The following BRIP1 variants were observed in gnomAD, a reference collection of about 807,000 sequenced individuals.
The protein encoded by BRIP1 is BRCA1 interacting DNA helicase 1, also known as Fanconi anemia group J protein.
In BRIP1, 88 loss-of-function variants were observed where a neutral mutation model predicts 119.7. That is an observed-to-expected ratio of 0.74 (90% confidence interval 0.62 to 0.88). BRIP1 has a LOEUF of 0.88. Ranked by LOEUF, BRIP1 falls within the 40% of genes least tolerant of loss-of-function variation. The pLI is 0.00. For synonymous variants in BRIP1, 443 were observed against 496.5 expected, an observed-to-expected ratio of 0.89 and a Z score of 1.43; for missense variants, 1,259 against 1,455.4, an observed-to-expected ratio of 0.87 and a Z score of 2.20.
Position 61,759,151 on chromosome 17 carries a change from G to A in BRIP1, c.2098-14560C>T, listed in dbSNP as rs2077240332. 6.6e-6 allele frequency among the ~76,000 whole-genome samples: 1 copy of A among 152,004 alleles called. No homozygotes were observed. Among genetic ancestry groups the A allele is most frequent in the African/African-American group, 2.4e-5 (1 of 41,412 alleles). ...TCCCAGAGCAATTTAGAAAGAGTAA[G>A]AAAAGAAGATCCAACTATATGCTGC... is the stretch of plus-strand genomic sequence containing the variant. On this transcript the variant is annotated intron_variant, in intron 14 of 19. Transcript: ENST00000259008. This position sits in a 1 kb window ranked among gnomAD's most constrained non-coding sequence, Gnocchi z 4.9.
chr17:61,732,638 A>T (rs1567770505), intron 16 of BRIP1, among the ~76,000 whole-genome samples: 1 of 150,868 alleles, frequency 6.6e-6, no homozygotes, highest in Non-Finnish European at 1.5e-5. Context: ...TTAAGCTCTT[A>T]AAAAAAGTTT....
In BRIP1 at chr17:61,842,837, G is replaced by A. The variant is rs1276635576; in HGVS notation, c.627+4264C>T. On this transcript the variant is annotated intron_variant, in intron 6 of 19. Transcript: ENST00000259008. This position sits in a 1 kb window ranked among gnomAD's most constrained non-coding sequence, Gnocchi z 5.1. ...TCCTCCTAACGGCCCCGTGAGATAG[G>A]TACTATTACTAACCCCATTTAACAA... Among the ~76,000 whole-genome samples, 1 of 152,122 alleles carries A rather than the reference G, an allele frequency of 6.6e-6. No individual in the cohort carries two copies. The highest frequency in any genetic ancestry group is 1.5e-5 in the Non-Finnish European group (1 of 68,022).
chr17:61,693,657 A>AGT lies in BRIP1; in HGVS notation c.2493-146_2493-145insAC. 1 of 691,684 alleles carries AGT rather than the reference A, an allele frequency of 1.4e-6. No homozygotes were observed. The highest frequency in any genetic ancestry group is 2.5e-6 in the Non-Finnish European group (1 of 402,982). 42.8% of individuals were successfully genotyped at this position (691,684 alleles called of 1,614,324 possible). On this transcript the variant is annotated intron_variant, in intron 17 of 19. Coordinates refer to ENST00000259008, the MANE Select transcript of BRIP1 (RefSeq NM_032043.3). This position sits in a 1 kb window ranked among gnomAD's most constrained non-coding sequence, Gnocchi z 4.2. ...TATTATCAGAAAAGTTACAGAAGCTATCCAACACAATGTAACAAACTAGAT... is the reference window on the plus strand; with the variant it reads ...TATTATCAGAAAAGTTACAGAAGCTAGTTCCAACACAATGTAACAAACTAGAT...
rs1401462745 is a variant in BRIP1, at chr17:61,732,043, G to A, written c.2379+10970C>T. On this transcript the variant is annotated intron_variant, in intron 16 of 19. Coordinates refer to ENST00000259008, the MANE Select transcript of BRIP1 (RefSeq NM_032043.3). Reference sequence around the variant, plus strand: ...GTCACCCAGGCTGGAGTGCAGTGGAGCAATCTCGGCTCACTGCAACCTCCC... The same window carrying A: ...GTCACCCAGGCTGGAGTGCAGTGGAACAATCTCGGCTCACTGCAACCTCCC... Among the ~76,000 whole-genome samples, 9 of 136,348 alleles carry A rather than the reference G, an allele frequency of 6.6e-5. No homozygotes were observed. In the Admixed American group the frequency reaches 7.0e-4, roughly 11 times the overall value. 89.4% of individuals were successfully genotyped at this position (136,348 alleles called of 152,430 possible). A position where few individuals can be genotyped will look rare whatever the true frequency, so the allele number is the denominator to read the frequency against.
chr17:61,750,419 G>T (rs555244272), intron 14 of BRIP1, among the ~76,000 whole-genome samples: 12 of 151,892 alleles, frequency 7.9e-5, no homozygotes, highest in African/African-American at 2.9e-4. Flanking sequence ...AACTCTAAAA[G>T]AAAAAAATAG....
Position 61,810,658 on chromosome 17 carries a change from T to A in BRIP1, c.628-1901A>T, listed in dbSNP as rs763941273. Among the ~76,000 whole-genome samples the A allele has an allele frequency of 1.3e-5, 2 of 152,208 alleles. No homozygotes were observed. Among genetic ancestry groups the A allele is most frequent in the Non-Finnish European group, 2.9e-5 (2 of 68,016 alleles). Reference sequence around the variant, plus strand: ...AAGGCTGGGAAAACTTACTTTTTGATGTTACACTTTTCAACATCAATTCCA... The same window carrying A: ...AAGGCTGGGAAAACTTACTTTTTGAAGTTACACTTTTCAACATCAATTCCA... On this transcript the variant is annotated intron_variant, in intron 6 of 19. Coordinates refer to ENST00000259008, the MANE Select transcript of BRIP1 (RefSeq NM_032043.3). The surrounding 1 kb of genome is among the most constrained non-coding windows in gnomAD (Gnocchi z 4.7).
chr17:61,849,301 T>C lies in BRIP1; in HGVS notation c.380-45A>G, dbSNP rs368011557. 4 of 1,552,854 alleles carry C rather than the reference T, an allele frequency of 2.6e-6. No individual in the cohort carries two copies. The African/African-American group carries it at 5.5e-5, about 21-fold the overall frequency. On this transcript the variant is annotated intron_variant, in intron 4 of 19. Coordinates refer to ENST00000259008, the MANE Select transcript of BRIP1 (RefSeq NM_032043.3). ...AAAAACAGCATAAATAACTTACAGGTAGGCAATTTTTCTAGAAGAAAACTG... is the reference window on the plus strand; with the variant it reads ...AAAAACAGCATAAATAACTTACAGGCAGGCAATTTTTCTAGAAGAAAACTG...
intron 17 of BRIP1, among the ~76,000 whole-genome samples, chr17:61,715,278 T>G (rs1028841420): frequency 1.6e-4 from 24 of 152,008 alleles, no homozygotes; most frequent in African/African-American, 5.8e-4. Flanking sequence ...AATGTTATCC[T>G]TCAACATTAT....
chr17:61,758,503 T>G lies in BRIP1; in HGVS notation c.2098-13912A>C, dbSNP rs2191249. On this transcript the variant is annotated intron_variant, in intron 14 of 19. Transcript: ENST00000259008. This position sits in a 1 kb window ranked among gnomAD's most constrained non-coding sequence, Gnocchi z 5.3. Reference sequence around the variant, plus strand: ...TGTTGCTCTAAAACTTGAAAGAAATTTTTTGGAGAAAGCATCGCTTCACAA... The same window carrying G: ...TGTTGCTCTAAAACTTGAAAGAAATGTTTTGGAGAAAGCATCGCTTCACAA... Among the ~76,000 whole-genome samples, 120,308 of 152,156 alleles carry G rather than the reference T, an allele frequency of 0.79. 48,236 individuals are homozygous for G. Among genetic ancestry groups the G allele is most frequent in the African/African-American group, 0.89 (37,074 of 41,518 alleles).
Position 61,842,612 on chromosome 17 carries a change from G to T in BRIP1, c.627+4489C>A, listed in dbSNP as rs2078673361. ...AAAAATAAACAAAAAATAAAGATCA[G>T]AACTACAAATATGTAATATTATTAG... On this transcript the variant is annotated intron_variant, in intron 6 of 19. Transcript: ENST00000259008. The surrounding 1 kb of genome is among the most constrained non-coding windows in gnomAD (Gnocchi z 5.1). Among the ~76,000 whole-genome samples, 1 of 152,010 alleles carries T rather than the reference G, an allele frequency of 6.6e-6. No individual in the cohort carries two copies. Among genetic ancestry groups the T allele is most frequent in the African/African-American group, 2.4e-5 (1 of 41,404 alleles).
In BRIP1 at chr17:61,847,175, C is replaced by T. The variant is rs745645356; in HGVS notation, c.553G>A (p.Ala185Thr). 73 of 1,613,386 alleles carry T rather than the reference C, an allele frequency of 4.5e-5. No individual in the cohort carries two copies. In the South Asian group the frequency reaches 7.9e-4, roughly 17 times the overall value. ...ACAGTCTTTCCTGAATCAACTTTTGCATCCAAATTGTGTACTTCTGTTCCA... is the reference window on the plus strand; with the variant it reads ...ACAGTCTTTCCTGAATCAACTTTTGTATCCAAATTGTGTACTTCTGTTCCA... Reference protein sequence around the residue: ...CFGTEVHNLDAKVDSGKTVKL... With the variant: ...CFGTEVHNLDTKVDSGKTVKL... The change falls in exon 6 of 20, where the codon GCA (alanine) becomes ACA (threonine). Residue 185 changes from alanine (A) to threonine (T), a missense_variant. Coordinates refer to ENST00000259008, the MANE Select transcript of BRIP1 (RefSeq NM_032043.3).
chr17:61,788,164 T>C (rs537613930), intron 10 of BRIP1, among the ~76,000 whole-genome samples: 112 of 152,214 alleles, frequency 7.4e-4, no homozygotes, highest in African/African-American at 2.0e-3. Context: ...AAGATAAATA[T>C]ATAAAAATCA....
In BRIP1 at chr17:61,851,303, C is replaced by T. The variant is rs942564090; in HGVS notation, c.380-2047G>A. 6.6e-5 allele frequency among the ~76,000 whole-genome samples: 10 copies of T among 152,230 alleles called. No individual in the cohort carries two copies. The highest frequency in any genetic ancestry group is 2.2e-4 in the African/African-American group (9 of 41,548). On this transcript the variant is annotated intron_variant, in intron 4 of 19. Coordinates refer to ENST00000259008, the MANE Select transcript of BRIP1 (RefSeq NM_032043.3). This position sits in a 1 kb window ranked among gnomAD's most constrained non-coding sequence, Gnocchi z 4.6. ...AAAGACCCAGAACTTCCCTGATCCA[C>T]TTTCCCCCTTCCCTTATGAGTCATG...
At position 61,780,983 on chromosome 17, in the gene BRIP1, C is replaced by T. The variant is rs766302517; in HGVS notation, c.1651G>A (p.Ala551Thr). ...NSRFADDYKI[A>T]IQQTYSWTNQ... ...GTCCAGGAGTAAGTCTGTTGAATCG[C>T]AATTTTATAATCATCTGCAAATCTA... The change falls in exon 12 of 20, where the codon GCG (alanine) becomes ACG (threonine). Residue 551 changes from alanine (A) to threonine (T), a missense_variant. Transcript: ENST00000259008. This position sits in a 1 kb window ranked among gnomAD's most constrained non-coding sequence, Gnocchi z 5.4. The T allele has an allele frequency of 1.2e-6, 2 of 1,613,762 alleles. No individual in the cohort carries two copies. The highest frequency in any genetic ancestry group is 2.7e-5 in the African/African-American group (2 of 74,882).
Position 61,827,606 on chromosome 17 carries a change from G to A in BRIP1, c.628-18849C>T, listed in dbSNP as rs578198675. Among the ~76,000 whole-genome samples, 131 of 152,214 alleles carry A rather than the reference G, an allele frequency of 8.6e-4. No homozygotes were observed. The highest frequency in any genetic ancestry group is 2.9e-3 in the African/African-American group (121 of 41,510). ...TAGCCAGGCGTGGGGGCACACACCT[G>A]TAATCCCAGCTATTCGGGAGGCTGA... On this transcript the variant is annotated intron_variant, in intron 6 of 19. Transcript: ENST00000259008. The surrounding 1 kb of genome is among the most constrained non-coding windows in gnomAD (Gnocchi z 5.8).
At position 61,778,539 on chromosome 17, in the gene BRIP1, T is replaced by C. The variant is rs932426691; in HGVS notation, c.1935+1722A>G. Among the ~76,000 whole-genome samples the C allele has an allele frequency of 2.6e-5, 4 of 152,206 alleles. No individual in the cohort carries two copies. Among genetic ancestry groups the C allele is most frequent in the Non-Finnish European group, 5.9e-5 (4 of 68,036 alleles). On this transcript the variant is annotated intron_variant, in intron 13 of 19. Coordinates refer to ENST00000259008, the MANE Select transcript of BRIP1 (RefSeq NM_032043.3). This position sits in a 1 kb window ranked among gnomAD's most constrained non-coding sequence, Gnocchi z 4.4. ...TTTAAGTTGAAGGAAAATATTACAG[T>C]GTAACAGAATCCAGCTGCACAACTA...
chr17:61,721,974 C>A (rs1413283684), intron 16 of BRIP1, among the ~76,000 whole-genome samples: 1 of 151,698 alleles, frequency 6.6e-6, no homozygotes, highest in Non-Finnish European at 1.5e-5. Context: ...GGTGATCTGC[C>A]CACCTCAACC....
In BRIP1 at chr17:61,845,164, T is replaced by C. The variant is rs568812957; in HGVS notation, c.627+1937A>G. On this transcript the variant is annotated intron_variant, in intron 6 of 19. Transcript: ENST00000259008. The surrounding 1 kb of genome is among the most constrained non-coding windows in gnomAD (Gnocchi z 4.2). ...ATAGCTTACATTATAATGATGTTGA[T>C]GATTATTGCAATTTAACAGAAGAAG... is the stretch of plus-strand genomic sequence containing the variant. Among the ~76,000 whole-genome samples, 1 of 152,220 alleles carries C rather than the reference T, an allele frequency of 6.6e-6. No homozygotes were observed. Among genetic ancestry groups the C allele is most frequent in the African/African-American group, 2.4e-5 (1 of 41,450 alleles).
Position 61,762,126 on chromosome 17 carries a change from A to G in BRIP1, c.2097+14275T>C, listed in dbSNP as rs1212743163. Among the ~76,000 whole-genome samples the G allele has an allele frequency of 6.6e-6, 1 of 152,130 alleles. No individual in the cohort carries two copies. Among genetic ancestry groups the G allele is most frequent in the Admixed American group, 6.6e-5 (1 of 15,240 alleles). On this transcript the variant is annotated intron_variant, in intron 14 of 19. Transcript: ENST00000259008. This position sits in a 1 kb window ranked among gnomAD's most constrained non-coding sequence, Gnocchi z 4.3. ...TGTATGTGCTCAACTGATTTTCAAC[A>G]AAGGTGCCAAGTATACACAATGGGA...
Sources: gnomAD v4.1 joint callset for allele counts (sites outside exome capture counted in the v4.1 genomes callset) on GRCh38, gnomAD v4.1.1 for gene constraint, Gnocchi (gnomAD v3.1) non-coding constraint, MANE v1.5 for transcripts, NCBI Gene and HGNC (gene_info 2026-07-23, HGNC 2026-07-21) for gene names.